Variants in PPL observed in about 807,000 individuals in gnomAD.
PPL encodes the protein periplakin.
Under a neutral mutation model 194.4 loss-of-function variants are expected in PPL, and 198 were observed. The observed-to-expected ratio is 1.02, with a 90% confidence interval of 0.91 to 1.15. The LOEUF (loss-of-function observed/expected upper bound fraction) is 1.15, where lower values mean the gene tolerates loss of function less well. Ranked by LOEUF, PPL falls within the 50% of genes most tolerant of loss-of-function variation. The pLI is 0.00. For missense variants in PPL, 2,885 were observed against 2,294.8 expected (o/e 1.26, Z -5.25); for synonymous variants, 1,220 against 972.4 (o/e 1.25, Z -4.74).
chr16:4,890,987 C>G, intron 16 of PPL, 66 bp from the exon 17 acceptor site: 2 of 1,382,246 alleles, frequency 1.4e-6, no homozygotes, highest in Non-Finnish European at 1.9e-6. Context: ...CGATGACACC[C>G]ACTGAAGCCC....
At chr16:4,929,086 G>T (rs981203474) in intron 1 of PPL, among the ~76,000 whole-genome samples, 2 of 146,040 alleles carry the variant, frequency 1.4e-5, no homozygotes, top group Non-Finnish European at 3.0e-5. Context: ...AACTCTCTGA[G>T]CCTCACTTGG....
intron 9 of PPL, 34 bp downstream of exon 9, chr16:4,897,641 C>G (rs200213554): frequency 6.4e-7 from 1 of 1,554,404 alleles, no homozygotes; most frequent in Admixed American, 1.7e-5. Flanking sequence ...GTAGCACCCC[C>G]GGTGCTGGGG....
At chr16:4,918,162 A>G (rs537793895) in intron 1 of PPL, among the ~76,000 whole-genome samples, 2 of 151,878 alleles carry the variant, frequency 1.3e-5, no homozygotes, top group Admixed American at 6.6e-5. Flanking sequence ...GCATGATGGC[A>G]GGTACCTGTA....
At position 4,901,396 on chromosome 16, in the gene PPL, T is replaced by C. The variant is rs879425991; in HGVS notation, c.439-307A>G. Among the ~76,000 whole-genome samples the C allele has an allele frequency of 9.2e-5, 14 of 152,236 alleles. 1 individual carries two copies. The highest frequency in any genetic ancestry group is 6.2e-4 in the South Asian group (3 of 4,820). Reference sequence around the variant, plus strand: ...CCTGCCCAGGGTCACGCCAGTAACATTGGGAAAGCTGGCCAGGCATGGTGA... The same window carrying C: ...CCTGCCCAGGGTCACGCCAGTAACACTGGGAAAGCTGGCCAGGCATGGTGA... On this transcript the variant is annotated intron_variant, in intron 4 of 21. Coordinates refer to ENST00000345988, the MANE Select transcript of PPL (RefSeq NM_002705.5).
At position 4,883,240 on chromosome 16, in the gene PPL, C is replaced by T. The variant is rs1338987115; in HGVS notation, c.*144G>A. 21 of 1,102,544 alleles carry T rather than the reference C, an allele frequency of 1.9e-5. No homozygotes were observed. Among genetic ancestry groups the T allele is most frequent in the Middle Eastern group, 3.0e-4 (1 of 3,358 alleles). 68.3% of individuals were successfully genotyped at this position (1,102,544 alleles called of 1,614,324 possible). ...AGCCAGTGCCTGTCTCATATGTGGG[C>T]GGGACTCTGAGCAGCCTGGCAGCGA... is the stretch of plus-strand genomic sequence containing the variant. On this transcript the variant is annotated 3_prime_UTR_variant, in exon 22 of 22. Transcript: ENST00000345988. The surrounding 1 kb of genome is among the most constrained non-coding windows in gnomAD (Gnocchi z 4.8).
intron 3 of PPL, among the ~76,000 whole-genome samples, chr16:4,903,368 T>TA: frequency 6.6e-6 from 1 of 152,254 alleles, no homozygotes; most frequent in East Asian, 1.9e-4. Context: ...ATCAACTCCC[T>TA]AAGCCTCCAT....
intron 4 of PPL, among the ~76,000 whole-genome samples, chr16:4,901,870 G>A (rs1419066838): frequency 1.3e-5 from 2 of 152,030 alleles, no homozygotes; most frequent in Non-Finnish European, 2.9e-5. Flanking sequence ...AGCCTGGGAA[G>A]TTGACGCTGC....
Position 4,900,986 on chromosome 16 carries a change from T to A in PPL, c.542A>T (p.His181Leu). Residue 181 changes from histidine to leucine, a missense_variant, in exon 5 of 22, where the codon CAC becomes CTC. Coordinates refer to ENST00000345988, the MANE Select transcript of PPL (RefSeq NM_002705.5). Reference sequence around the variant, plus strand: ...CACCTTGTCCCCGTCCTTGGCCAGGTGGGGCCCGATGGCCTTGACCTCATT... The same window carrying A: ...CACCTTGTCCCCGTCCTTGGCCAGGAGGGGCCCGATGGCCTTGACCTCATT... ...FHNEVKAIGP[H>L]LAKDGDKEQN... is the part of the protein sequence containing the mutation. 1 of 1,614,106 alleles carries A rather than the reference T, an allele frequency of 6.2e-7. No homozygotes were observed. The highest frequency in any genetic ancestry group is 2.2e-5 in the East Asian group (1 of 44,856).
At chr16:4,911,868 A>G (rs1279065673) in intron 1 of PPL, among the ~76,000 whole-genome samples, 1 of 151,432 alleles carries the variant, frequency 6.6e-6, no homozygotes, top group Admixed American at 6.6e-5. Context: ...ATAGGGTCTC[A>G]CTCTGTCACC....
In PPL at chr16:4,883,332, G is replaced by A. The variant is rs374909646; in HGVS notation, c.*52C>T. On this transcript the variant is annotated 3_prime_UTR_variant, in exon 22 of 22. Coordinates refer to ENST00000345988, the MANE Select transcript of PPL (RefSeq NM_002705.5). This position sits in a 1 kb window ranked among gnomAD's most constrained non-coding sequence, Gnocchi z 4.8. ...AGGACGACACCAAGGAGGTCACTGC[G>A]TCGTAGGAGAGGGCCAGCGTCTGCC... is the stretch of plus-strand genomic sequence containing the variant. 4.4e-5 allele frequency: 70 copies of A among 1,607,314 alleles called. No homozygotes were observed. The Middle Eastern group carries it at 6.3e-4, about 14-fold the overall frequency.
Position 4,883,996 on chromosome 16 carries a change from C to T in PPL, c.4659G>A (p.Lys1553=), listed in dbSNP as rs193110985. The T allele has an allele frequency of 3.2e-5, 51 of 1,614,058 alleles. No homozygotes were observed. The East Asian group carries it at 9.1e-4, about 29-fold the overall frequency. The change falls in exon 22 of 22, where the codon AAG becomes AAA. Residue 1553 remains lysine, a synonymous_variant. Transcript: ENST00000345988. The surrounding 1 kb of genome is among the most constrained non-coding windows in gnomAD (Gnocchi z 4.8). ...RLSELEFHNS[K]SSKELDFLRE... The stretch of plus-strand genomic sequence containing the variant: ...TCAGAAAGTCTAGTTCCTTGGATGA[C>T]TTGGAGTTATGGAATTCCAGCTCCG...
chr16:4,894,992 C>A (rs2088393751), intron 11 of PPL, among the ~76,000 whole-genome samples: 2 of 152,196 alleles, frequency 1.3e-5, no homozygotes, highest in Non-Finnish European at 2.9e-5. Flanking sequence ...AGGATGGACA[C>A]GTGACTCACA....
At chr16:4,933,001 C>CT (rs59573325) in intron 1 of PPL, among the ~76,000 whole-genome samples, 32,743 of 146,114 alleles carry the variant, frequency 0.22, 3,920 homozygotes, top group African/African-American at 0.31. Flanking sequence ...TGTGTTCTTG[C>CT]TTTTTTTTTT....
intron 2 of PPL, among the ~76,000 whole-genome samples, chr16:4,909,052 G>C (rs1451296527): frequency 6.6e-6 from 1 of 152,164 alleles, no homozygotes; most frequent in Non-Finnish European, 1.5e-5. Flanking sequence ...GAACAGGTGT[G>C]GGGTGGCCAG....
Position 4,893,168 on chromosome 16 carries a change from T to C in PPL, c.1650+45A>G, listed in dbSNP as rs146374313. Reference sequence around the variant, plus strand: ...TCAAATAGGGGCCCCAGGGGGCCAGTGCAGGGCTCCCCCGGCCCCACCTGT... The same window carrying C: ...TCAAATAGGGGCCCCAGGGGGCCAGCGCAGGGCTCCCCCGGCCCCACCTGT... On this transcript the variant is annotated intron_variant, in intron 14 of 21. Coordinates refer to ENST00000345988, the MANE Select transcript of PPL (RefSeq NM_002705.5). The C allele has an allele frequency of 5.7e-4, 839 of 1,483,074 alleles. 18 individuals are homozygous for C. The East Asian group carries it at 0.02, about 36-fold the overall frequency. 91.9% of individuals were successfully genotyped at this position (1,483,074 alleles called of 1,614,324 possible).
chr16:4,884,538 C>T lies in PPL; in HGVS notation c.4117G>A (p.Glu1373Lys), dbSNP rs776731772. ...GLRAEASAFA[E>K]SIDVELRQID... The stretch of plus-strand genomic sequence containing the variant: ...TGCCGCAGCTCCACATCGATGCTCT[C>T]GGCAAAGGCGCTCGCCTCGGCCCGC... Residue 1373 changes from glutamate (E) to lysine (K), a missense_variant, in exon 22 of 22, where the codon GAG becomes AAG. Coordinates refer to ENST00000345988, the MANE Select transcript of PPL (RefSeq NM_002705.5). The surrounding 1 kb of genome is among the most constrained non-coding windows in gnomAD (Gnocchi z 5.7). 9.3e-6 allele frequency: 15 copies of T among 1,612,884 alleles called. No homozygotes were observed. Among genetic ancestry groups the T allele is most frequent in the Admixed American group, 6.7e-5 (4 of 59,728 alleles).
rs537921531 is a variant in PPL, at chr16:4,888,971, G to A, written c.2397+7C>T. The A allele has an allele frequency of 1.1e-5, 18 of 1,612,594 alleles. No homozygotes were observed. Among genetic ancestry groups the A allele is most frequent in the Admixed American group, 5.0e-5 (3 of 59,984 alleles). On this transcript the variant is annotated splice_region_variant and intron_variant, in intron 19 of 21. Transcript: ENST00000345988. ...TTTGTGCTTTGGGCGGAAGTTTCCC[G>A]GCTCACCTTTACAGCTTGCTGGTAC... is the stretch of plus-strand genomic sequence containing the variant.
At position 4,891,832 on chromosome 16, in the gene PPL, G is replaced by C. The variant is rs139182465; in HGVS notation, c.1947C>G (p.Asp649Glu). 1.2e-6 allele frequency: 2 copies of C among 1,612,812 alleles called. No homozygotes were observed. The highest frequency in any genetic ancestry group is 1.7e-6 in the Non-Finnish European group (2 of 1,179,688). ...DTVPESSRVL[D>E]SKGQELAAMA... is the part of the protein sequence containing the mutation. Reference sequence around the variant, plus strand: ...TCACCGCCAGCTCCTGCCCCTTGCTGTCCAGGACACGGCTGCTCTCAGGCA... The same window carrying C: ...TCACCGCCAGCTCCTGCCCCTTGCTCTCCAGGACACGGCTGCTCTCAGGCA... Residue 649 changes from aspartate (D) to glutamate (E), a missense_variant, in exon 16 of 22, where the codon GAC (aspartate) becomes GAG (glutamate). Asp to Glu is a conservative substitution (Grantham distance 45, BLOSUM62 2). Coordinates refer to ENST00000345988, the MANE Select transcript of PPL (RefSeq NM_002705.5).
intron 1 of PPL, among the ~76,000 whole-genome samples, chr16:4,923,693 C>T (rs2089099589): frequency 6.6e-6 from 1 of 152,138 alleles, no homozygotes; most frequent in Admixed American, 6.5e-5. Context: ...CGGGCAGATT[C>T]CTTAGTCTCT....
Sources: allele counts gnomAD v4.1 joint callset (sites outside exome capture counted in the v4.1 genomes callset), GRCh38; gene constraint gnomAD v4.1.1; non-coding constraint Gnocchi (gnomAD v3.1); transcripts MANE v1.5; gene names NCBI Gene and HGNC (gene_info 2026-07-23, HGNC 2026-07-21).